The following CAMTA1 variants were observed in gnomAD, a reference collection of about 807,000 sequenced individuals.
CAMTA1 encodes the protein calmodulin-binding transcription activator 1.
In CAMTA1, 27 loss-of-function variants were observed where a neutral mutation model predicts 170.9. The observed-to-expected ratio is 0.16, with a 90% CI of 0.12 to 0.22. The LOEUF (loss-of-function observed/expected upper bound fraction) is 0.22. Among genes scored for constraint, CAMTA1 ranks in the 10% least tolerant of loss-of-function variants. The probability of loss-of-function intolerance (pLI) is 1.00; values close to 1 mark genes in which losing one functional copy is unlikely to be tolerated. For missense variants in CAMTA1, 1,619 were observed against 2,217.2 expected (o/e 0.73, Z 5.42); for synonymous variants, 833 against 891.5 (o/e 0.93, Z 1.17).
chr1:7,306,034 T>C (rs1178007246), intron 5 of CAMTA1, among the ~76,000 whole-genome samples: 1 of 152,076 alleles, frequency 6.6e-6, no homozygotes, highest in East Asian at 1.9e-4. Flanking sequence ...TTGAGTCAGA[T>C]ATGTGATTTG....
At chr1:7,262,100 A>T (rs4908612) in intron 5 of CAMTA1, among the ~76,000 whole-genome samples, 48,186 of 152,084 alleles carry the variant, frequency 0.32, 7,979 homozygotes, top group South Asian at 0.54. Flanking sequence ...CTAATTGTCA[A>T]CATAATGCCA....
chr1:7,765,525 T>G (rs936197889), intron 22 of CAMTA1, among the ~76,000 whole-genome samples: 2 of 152,228 alleles, frequency 1.3e-5, no homozygotes, highest in African/African-American at 2.4e-5. Flanking sequence ...ACCCTATGGC[T>G]GTCCATCTGG....
intron 4 of CAMTA1, among the ~76,000 whole-genome samples, chr1:7,225,152 G>A (rs899421642): frequency 2.6e-5 from 4 of 151,910 alleles, no homozygotes; most frequent in African/African-American, 4.8e-5. Flanking sequence ...TGGCACGATC[G>A]CAGCTCACTG....
chr1:7,045,470 G>A (rs1363189691), intron 3 of CAMTA1, among the ~76,000 whole-genome samples: 1 of 152,188 alleles, frequency 6.6e-6, no homozygotes, highest in Non-Finnish European at 1.5e-5. Context: ...TGTCTGACTA[G>A]TCATTAATTT....
intron 1 of CAMTA1, among the ~76,000 whole-genome samples, chr1:6,818,970 G>A (rs189894213): frequency 8.5e-5 from 13 of 152,076 alleles, no homozygotes; most frequent in African/African-American, 3.1e-4. Context: ...TTTTAAAGAT[G>A]AGGCCTTGTT....
chr1:7,086,150 T>A (rs537729626), intron 3 of CAMTA1, among the ~76,000 whole-genome samples: 1 of 152,044 alleles, frequency 6.6e-6, no homozygotes, highest in East Asian at 1.9e-4. Context: ...AAGGACAAAC[T>A]AAACATTTAA....
intron 6 of CAMTA1, among the ~76,000 whole-genome samples, chr1:7,469,840 G>A (rs540726780): frequency 6.6e-5 from 10 of 152,272 alleles, no homozygotes; most frequent in Admixed American, 3.9e-4. Flanking sequence ...TGCTCATTCC[G>A]GGTCCCTCCT....
At chr1:7,189,094 A>G (rs1357891477) in intron 4 of CAMTA1, among the ~76,000 whole-genome samples, 1 of 152,194 alleles carries the variant, frequency 6.6e-6, no homozygotes, top group Non-Finnish European at 1.5e-5. Flanking sequence ...CTCTATCCTG[A>G]ATCCCATCCT....
At chr1:7,106,487 T>TTA (rs1277046971) in intron 4 of CAMTA1, among the ~76,000 whole-genome samples, 2 of 152,138 alleles carry the variant, frequency 1.3e-5, no homozygotes, top group African/African-American at 4.8e-5. Context: ...ATTATGTGAC[T>TTA]TACCCAAGGT....
intron 3 of CAMTA1, among the ~76,000 whole-genome samples, chr1:6,856,331 C>CTT (rs1248254439): frequency 9.3e-5 from 11 of 118,746 alleles, no homozygotes; most frequent in African/African-American, 2.2e-4. Context: ...CCCCCTGCCG[C>CTT]TTTTTTTTTT....
In CAMTA1 at chr1:7,561,080, AG is replaced by A. The variant is rs2094950617; in HGVS notation, c.511-79318del. Reference sequence around the variant, plus strand: ...GACGCTGGGCTGGGCGCTTCCCATGAGGCAGGATCCTCATTGCTGTCCTTTC... The same window carrying A: ...GACGCTGGGCTGGGCGCTTCCCATGAGCAGGATCCTCATTGCTGTCCTTTC... On this transcript the variant is annotated intron_variant, in intron 6 of 22. Transcript: ENST00000303635. This position sits in a 1 kb window ranked among gnomAD's most constrained non-coding sequence, Gnocchi z 5.3. 6.6e-6 allele frequency among the ~76,000 whole-genome samples: 1 copy of A among 152,078 alleles called. No homozygotes were observed. The highest frequency in any genetic ancestry group is 6.5e-5 in the Admixed American group (1 of 15,282).
intron 1 of CAMTA1, among the ~76,000 whole-genome samples, chr1:6,794,361 C>T (rs1569937520): frequency 6.6e-6 from 1 of 152,100 alleles, no homozygotes; most frequent in East Asian, 1.9e-4. Flanking sequence ...GATGTTCTTT[C>T]AAAGATATTT....
At chr1:7,740,786 C>T (rs2096806281) in intron 16 of CAMTA1, among the ~76,000 whole-genome samples, 1 of 152,210 alleles carries the variant, frequency 6.6e-6, no homozygotes, top group Admixed American at 6.5e-5. Flanking sequence ...GTGGCCTTCA[C>T]TGAAACAGAG....
chr1:7,541,348 A>G (rs1276917322), intron 6 of CAMTA1, among the ~76,000 whole-genome samples: 1 of 152,214 alleles, frequency 6.6e-6, no homozygotes, highest in Admixed American at 6.5e-5. Flanking sequence ...TTGAGGAAAG[A>G]AATCACCACC....
chr1:7,696,523 T>C (rs899779595), intron 11 of CAMTA1, among the ~76,000 whole-genome samples: 3 of 151,476 alleles, frequency 2.0e-5, no homozygotes, highest in African/African-American at 7.3e-5. Flanking sequence ...ATAAATGTTA[T>C]CTGCTTTATA....
intron 3 of CAMTA1, among the ~76,000 whole-genome samples, chr1:6,937,112 A>AT (rs1685450435): frequency 6.6e-6 from 1 of 151,816 alleles, no homozygotes; most frequent in African/African-American, 2.4e-5. Flanking sequence ...TACCATCACC[A>AT]TCACCATTCA....
chr1:7,034,966 C>T (rs1703369733), intron 3 of CAMTA1, among the ~76,000 whole-genome samples: 1 of 152,126 alleles, frequency 6.6e-6, no homozygotes, highest in Admixed American at 6.5e-5. Flanking sequence ...AAAAGTTGCT[C>T]ATTTAGCTTG....
chr1:7,013,674 T>C (rs1408412927), intron 3 of CAMTA1, among the ~76,000 whole-genome samples: 1 of 152,124 alleles, frequency 6.6e-6, no homozygotes, highest in Non-Finnish European at 1.5e-5. Context: ...AGCCAGGAGT[T>C]GAACTTTGGA....
intron 3 of CAMTA1, among the ~76,000 whole-genome samples, chr1:7,077,990 GCA>G (rs149263539): frequency 6.0e-5 from 9 of 150,514 alleles, no homozygotes; most frequent in Admixed American, 4.0e-4. Flanking sequence ...GAGCTTGCGT[GCA>G]CACACACACA....
Sources: gnomAD v4.1 joint callset for allele counts (sites outside exome capture counted in the v4.1 genomes callset) on GRCh38, gnomAD v4.1.1 for gene constraint, Gnocchi (gnomAD v3.1) non-coding constraint, MANE v1.5 for transcripts, NCBI Gene and HGNC (gene_info 2026-07-23, HGNC 2026-07-21) for gene names.